The following EIF2AK4 variants were observed in gnomAD, a reference collection of about 807,000 sequenced individuals.
EIF2AK4 encodes the protein eIF-2-alpha kinase GCN2.
A neutral mutation model predicts 211.1 loss-of-function variants in EIF2AK4; 139 were observed. That is an observed-to-expected ratio of 0.66 (90% CI 0.57 to 0.76). The LOEUF is 0.76. Among genes scored for constraint, EIF2AK4 ranks in the 30% least tolerant of loss-of-function variants. EIF2AK4 has a pLI of 0.00. For synonymous variants in EIF2AK4, 710 were observed against 751.3 expected, an observed-to-expected ratio of 0.94 and a Z score of 0.90; for missense variants, 1,664 against 2,043.8, an observed-to-expected ratio of 0.81 and a Z score of 3.58.
intron 3 of EIF2AK4, chr15:39,946,823 A>C: frequency 1.7e-6 from 1 of 596,018 alleles, no homozygotes; most frequent in Non-Finnish European, 3.0e-6. Flanking sequence ...TGTCTGCAAA[A>C]AGATTATGAC....
intron 32 of EIF2AK4, among the ~76,000 whole-genome samples, 176 bp downstream of exon 32, chr15:40,022,781 T>G (rs1033495030): frequency 6.6e-6 from 1 of 152,110 alleles, no homozygotes; most frequent in Non-Finnish European, 1.5e-5. Flanking sequence ...TCTCCCAGGC[T>G]GGAGTGCAAT....
chr15:39,977,131 T>TCAACAA, intron 12 of EIF2AK4: 1 of 332,514 alleles, frequency 3.0e-6, no homozygotes, highest in Non-Finnish European at 5.4e-6. Flanking sequence ...TTGACCATGT[T>TCAACAA]TAAAAACAAA....
chr15:40,035,068 A>G lies in EIF2AK4; in HGVS notation c.4934A>G (p.Tyr1645Cys). 1 of 1,583,666 alleles carries G rather than the reference A, an allele frequency of 6.3e-7. No individual in the cohort carries two copies. The highest frequency in any genetic ancestry group is 8.6e-7 in the Non-Finnish European group (1 of 1,165,202). ...CTGTACAGCTATAGAGATGACTACTACAGAATCTTATTTTAACCCTAAAGA... is the reference window on the plus strand; with the variant it reads ...CTGTACAGCTATAGAGATGACTACTGCAGAATCTTATTTTAACCCTAAAGA... ...LFLYSYRDDYYRILF is the reference protein window; with the variant it reads ...LFLYSYRDDYCRILF The change falls in exon 39 of 39, where the codon TAC becomes TGC. Residue 1645 changes from tyrosine to cysteine, a missense_variant. By Grantham distance (194) the Tyr-to-Cys change is radical (BLOSUM62 -2). Coordinates refer to ENST00000263791, the MANE Select transcript of EIF2AK4 (RefSeq NM_001013703.4).
rs74009084 is a variant in EIF2AK4, at chr15:39,990,180, A to G, written c.2527-93A>G. On this transcript the variant is annotated intron_variant, in intron 15 of 38. Coordinates refer to ENST00000263791, the MANE Select transcript of EIF2AK4 (RefSeq NM_001013703.4). ...GGTCTGTGGGAGAAGACCTCATACG[A>G]TTTTCATCGCTAGGTTGGCCTTTTA... 2.5e-3 allele frequency: 3,145 copies of G among 1,263,938 alleles called. 66 individuals carry two copies. The African/African-American group carries it at 0.04, about 16-fold the overall frequency. The allele number at this position is 1,263,938 out of a possible 1,614,324, so 78.3% of individuals were successfully genotyped here. A position where few individuals can be genotyped will look rare whatever the true frequency, so the allele number is the denominator to read the frequency against.
At chr15:39,940,776 A>C (rs2034134649) in intron 2 of EIF2AK4, among the ~76,000 whole-genome samples, 1 of 152,032 alleles carries the variant, frequency 6.6e-6, no homozygotes, top group East Asian at 1.9e-4. Context: ...CACTATCTGT[A>C]GTTAGCAAAG....
chr15:39,989,309 T>G (rs2034910547), intron 15 of EIF2AK4, among the ~76,000 whole-genome samples: 1 of 152,242 alleles, frequency 6.6e-6, no homozygotes, highest in Admixed American at 6.5e-5. Flanking sequence ...TTCCTTTGCC[T>G]CAAATTTCTT....
intron 23 of EIF2AK4, among the ~76,000 whole-genome samples, chr15:40,005,955 G>T (rs2035156574): frequency 6.6e-6 from 1 of 151,056 alleles, no homozygotes; most frequent in South Asian, 2.1e-4. Flanking sequence ...TCCAACCGAG[G>T]ATGGAAGATA....
At position 40,007,973 on chromosome 15, in the gene EIF2AK4, A is replaced by G. The variant is rs148493486; in HGVS notation, c.3408-54A>G. 2.3e-6 allele frequency: 3 copies of G among 1,294,464 alleles called. No homozygotes were observed. The African/African-American group carries it at 4.6e-5, about 20-fold the overall frequency. The allele number at this position is 1,294,464 out of a possible 1,614,324, so 80.2% of individuals were successfully genotyped here. On this transcript the variant is annotated intron_variant, in intron 24 of 38. Transcript: ENST00000263791. ...TATATCTTGTTCAACAATTTCTTAT[A>G]CATATTTCTTTCTAGTAAGCAATGA...
At chr15:39,999,100 T>C (rs981711313) in intron 20 of EIF2AK4, among the ~76,000 whole-genome samples, 2 of 152,210 alleles carry the variant, frequency 1.3e-5, no homozygotes, top group African/African-American at 2.4e-5. Context: ...TCATTGTTTT[T>C]GATAAAGCTT....
rs1007061228 is a variant in EIF2AK4, at chr15:39,984,615, T to C, written c.2320-1190T>C. Among the ~76,000 whole-genome samples the C allele has an allele frequency of 3.9e-5, 6 of 152,362 alleles. 1 individual carries two copies. Among genetic ancestry groups the C allele is most frequent in the Admixed American group, 3.9e-4 (6 of 15,308 alleles). On this transcript the variant is annotated intron_variant, in intron 13 of 38. Transcript: ENST00000263791. ...AGATATTTTATTCTCTTTACAGCAA[T>C]TGTGAATGGGAATTCACTCATGATT...
intron 6 of EIF2AK4, among the ~76,000 whole-genome samples, chr15:39,956,871 T>C (rs1313216073): frequency 2.0e-5 from 3 of 152,236 alleles, no homozygotes; most frequent in Admixed American, 2.0e-4. Context: ...AACTTCTGTA[T>C]AGTTTGTTTA....
intron 3 of EIF2AK4, among the ~76,000 whole-genome samples, chr15:39,948,704 T>G (rs986776762): frequency 1.3e-5 from 2 of 152,252 alleles, no homozygotes; most frequent in African/African-American, 4.8e-5. Context: ...GCAATGAGTA[T>G]TCTCTGCCCA....
At chr15:39,943,839 A>C (rs1486133932) in intron 3 of EIF2AK4, among the ~76,000 whole-genome samples, 4 of 151,924 alleles carry the variant, frequency 2.6e-5, no homozygotes, top group African/African-American at 9.7e-5. Flanking sequence ...CCTATAGTGC[A>C]AGCTGCTCAG....
chr15:39,969,474 C>T (rs573507189), intron 9 of EIF2AK4, among the ~76,000 whole-genome samples: 65 of 150,846 alleles, frequency 4.3e-4, no homozygotes, highest in African/African-American at 1.5e-3. Flanking sequence ...CATTCTCCTG[C>T]CTCAGCCTCC....
At chr15:39,992,313 G>A (rs1310283894) in intron 17 of EIF2AK4, 84 bp downstream of exon 17, 2 of 1,248,766 alleles carry the variant, frequency 1.6e-6, no homozygotes, top group Non-Finnish European at 2.2e-6. Flanking sequence ...TACTTGTAAA[G>A]GTTTTATTCT....
rs1481452488 is a variant in EIF2AK4, at chr15:39,949,207, A to G, written c.452A>G (p.Glu151Gly). The G allele has an allele frequency of 6.2e-7, 1 of 1,614,148 alleles. No individual in the cohort carries two copies. Among genetic ancestry groups the G allele is most frequent in the South Asian group, 1.1e-5 (1 of 91,088 alleles). ...PPKSFHEEMLERRAQEEQQRL... is the reference protein window; with the variant it reads ...PPKSFHEEMLGRRAQEEQQRL... ...AAGTCTTTTCATGAAGAAATGCTGG[A>G]AAGGCGGGCTCAGGAGGAGCAGCAG... The change falls in exon 4 of 39, where the codon GAA (glutamate) becomes GGA (glycine). Residue 151 changes from glutamate to glycine, a missense_variant. Transcript: ENST00000263791.
intron 27 of EIF2AK4, among the ~76,000 whole-genome samples, chr15:40,014,604 AT>A (rs999725867): frequency 7.9e-5 from 12 of 152,114 alleles, no homozygotes; most frequent in Non-Finnish European, 1.5e-4. Context: ...CCACGAAACC[AT>A]TTTTTCCTCC....
chr15:39,981,029 A>C (rs1453998959), intron 13 of EIF2AK4, among the ~76,000 whole-genome samples: 2 of 152,228 alleles, frequency 1.3e-5, no homozygotes, highest in Non-Finnish European at 1.5e-5. Context: ...CAATGAAATC[A>C]CTACTAATAA....
chr15:39,934,231 G>A lies in EIF2AK4; in HGVS notation c.36G>A (p.Arg12=), dbSNP rs1270270801. Residue 12 remains arginine (R), a synonymous_variant, in exon 1 of 39, where the codon CGG becomes CGA. Coordinates refer to ENST00000263791, the MANE Select transcript of EIF2AK4 (RefSeq NM_001013703.4). ...AGGRGAPGRG[R]DEPPESYPQR... ...GCCGTGGGGCCCCCGGGCGCGGCCG[G>A]GACGAGCCTCCGGAGAGCTACCCGC... 1 of 1,601,014 alleles carries A rather than the reference G, an allele frequency of 6.2e-7. No homozygotes were observed. The highest frequency in any genetic ancestry group is 8.5e-7 in the Non-Finnish European group (1 of 1,174,784).
Sources: gnomAD v4.1 joint callset for allele counts (sites outside exome capture counted in the v4.1 genomes callset) on GRCh38, gnomAD v4.1.1 for gene constraint, MANE v1.5 for transcripts, NCBI Gene and HGNC (gene_info 2026-07-23, HGNC 2026-07-21) for gene names.